Variants in SUFU observed in about 807,000 individuals in gnomAD.
SUFU encodes the protein SUFU negative regulator of hedgehog signaling.
A neutral mutation model predicts 58.9 loss-of-function variants in SUFU; 7 were observed. The ratio of observed to expected loss-of-function variants is 0.12; its 90% confidence interval spans 0.07 to 0.22. SUFU has a LOEUF of 0.22. Among genes scored for constraint, SUFU ranks in the 10% least tolerant of loss-of-function variants. The probability of loss-of-function intolerance (pLI) is 1.00; values close to 1 mark genes in which losing one functional copy is unlikely to be tolerated. For synonymous variants in SUFU, 232 were observed against 254.8 expected (o/e 0.91, Z 0.85); for missense variants, 451 against 641.3 (o/e 0.70, Z 3.20).
At chr10:102,555,585 G>C (rs1254375076) in intron 3 of SUFU, among the ~76,000 whole-genome samples, 1 of 152,216 alleles carries the variant, frequency 6.6e-6, no homozygotes, top group African/African-American at 2.4e-5. Flanking sequence ...TGCCTGTGAA[G>C]TCTTAGGCAA....
chr10:102,629,007 T>C lies in SUFU; in HGVS notation c.1366-1059T>C, dbSNP rs1372131993. ...CCCATCTCTACTAATAATACAATAA[T>C]TAGCCGGGCTTGGTGGTGCATGCCT... On this transcript the variant is annotated intron_variant, in intron 11 of 11. Coordinates refer to ENST00000369902, the MANE Select transcript of SUFU (RefSeq NM_016169.4). This position sits in a 1 kb window ranked among gnomAD's most constrained non-coding sequence, Gnocchi z 4.7. Among the ~76,000 whole-genome samples, 1 of 152,062 alleles carries C rather than the reference T, an allele frequency of 6.6e-6. No individual in the cohort carries two copies. The highest frequency in any genetic ancestry group is 1.9e-4 in the East Asian group (1 of 5,186).
rs2062284535 is a variant in SUFU, at chr10:102,503,996, G to A, written c.-157G>A. 9.1e-7 allele frequency: 1 copy of A among 1,096,618 alleles called. No homozygotes were observed. Among genetic ancestry groups the A allele is most frequent in the Admixed American group, 3.9e-5 (1 of 25,396 alleles). The allele number at this position is 1,096,618 out of a possible 1,614,324, so 67.9% of individuals were successfully genotyped here. A position where few individuals can be genotyped will look rare whatever the true frequency, so the allele number is the denominator to read the frequency against. On this transcript the variant is annotated 5_prime_UTR_variant, in exon 1 of 12. Coordinates refer to ENST00000369902, the MANE Select transcript of SUFU (RefSeq NM_016169.4). ...CAGACTCGGCGGCGGCGACAGCCTG[G>A]GCGGACAGTGCGCCGTGCGCAGGCG...
chr10:102,620,767 G>C (rs1041252457), intron 10 of SUFU, among the ~76,000 whole-genome samples: 5 of 152,142 alleles, frequency 3.3e-5, no homozygotes, highest in African/African-American at 1.2e-4. Context: ...TCTCCCTTGA[G>C]CCTGTCAACA....
At chr10:102,543,468 C>T (rs1485386417) in intron 2 of SUFU, among the ~76,000 whole-genome samples, 2 of 152,078 alleles carry the variant, frequency 1.3e-5, no homozygotes, top group African/African-American at 4.8e-5. Context: ...TTAAAATGTA[C>T]GCTTTCATGG....
intron 2 of SUFU, among the ~76,000 whole-genome samples, chr10:102,546,596 A>G (rs1423466330): frequency 3.3e-5 from 5 of 152,230 alleles, no homozygotes; most frequent in Admixed American, 6.5e-5. Flanking sequence ...AGAAGCCCTC[A>G]TGTGAGGAAG....
At chr10:102,593,224 G>C (rs565243963) in intron 4 of SUFU, among the ~76,000 whole-genome samples, 1 of 152,290 alleles carries the variant, frequency 6.6e-6, no homozygotes, top group South Asian at 2.1e-4. Context: ...ATTGGTGGTG[G>C]TTCCAAGCCT....
intron 3 of SUFU, among the ~76,000 whole-genome samples, chr10:102,586,041 C>A: frequency 6.6e-6 from 1 of 151,818 alleles, no homozygotes; most frequent in East Asian, 2.0e-4. Flanking sequence ...CATGCCACCA[C>A]ACCTGGCTAA....
rs1406131774 is a variant in SUFU at position 102,597,251 on chromosome 10, A to G, written c.868A>G (p.Ser290Gly). The G allele has an allele frequency of 1.2e-6, 2 of 1,613,918 alleles. No individual in the cohort carries two copies. The highest frequency in any genetic ancestry group is 4.5e-5 in the East Asian group (2 of 44,858). Residue 290 changes from serine (S) to glycine (G), a missense_variant, in exon 7 of 12, where the codon AGC (serine) becomes GGC (glycine). Transcript: ENST00000369902. ...CCCCGAGGATGACGAGGACAGCCGG[A>G]GCATCTGCATCGGCACACAGCCCCG... ...RPPEDDEDSR[S>G]ICIGTQPRRL... is the part of the protein sequence containing the mutation.
At chr10:102,582,223 G>A (rs1339417990) in intron 3 of SUFU, among the ~76,000 whole-genome samples, 1 of 152,204 alleles carries the variant, frequency 6.6e-6, no homozygotes, top group Non-Finnish European at 1.5e-5. Flanking sequence ...TGGGGTGTTA[G>A]TTTCCAGGCT....
In SUFU at chr10:102,619,175, C is replaced by A. The variant is rs530472349; in HGVS notation, c.1296+1747C>A. 16 of 1,608,784 alleles carry A rather than the reference C, an allele frequency of 9.9e-6. No homozygotes were observed. The highest frequency in any genetic ancestry group is 2.7e-5 in the African/African-American group (2 of 74,988). ...TCAGCAGCTCAAGAACCTTGGCCCC[C>A]ACAGGACTTCGCAGATGTCACATTG... On this transcript the variant is annotated intron_variant, in intron 10 of 11. Coordinates refer to ENST00000369902, the MANE Select transcript of SUFU (RefSeq NM_016169.4). The surrounding 1 kb of genome is among the most constrained non-coding windows in gnomAD (Gnocchi z 4.2).
rs148993057 is a variant in SUFU at position 102,591,280 on chromosome 10, C to G, written c.455-1302C>G. Among the ~76,000 whole-genome samples the G allele has an allele frequency of 6.0e-3, 918 of 152,228 alleles. 4 individuals carry two copies. Among genetic ancestry groups the G allele is most frequent in the African/African-American group, 0.019 (793 of 41,526 alleles). ...CTTTGGGAGGCCGAGGAGGGCGGAT[C>G]ACGAGGTCAGGAGATCGAGGCCATC... On this transcript the variant is annotated intron_variant, in intron 3 of 11. Coordinates refer to ENST00000369902, the MANE Select transcript of SUFU (RefSeq NM_016169.4).
At chr10:102,564,962 A>T (rs2063072807) in intron 3 of SUFU, among the ~76,000 whole-genome samples, 1 of 152,214 alleles carries the variant, frequency 6.6e-6, no homozygotes, top group Non-Finnish European at 1.5e-5. Flanking sequence ...TCCCTCAGAA[A>T]TGAGTTTGTG....
rs2063695703 is a variant in SUFU, at chr10:102,617,215, G to T, written c.1158-75G>T. 1.2e-6 allele frequency: 2 copies of T among 1,607,118 alleles called. No homozygotes were observed. Among genetic ancestry groups the T allele is most frequent in the East Asian group, 4.5e-5 (2 of 44,854 alleles). On this transcript the variant is annotated intron_variant, in intron 9 of 11. Coordinates refer to ENST00000369902, the MANE Select transcript of SUFU (RefSeq NM_016169.4). This position sits in a 1 kb window ranked among gnomAD's most constrained non-coding sequence, Gnocchi z 4.4. The stretch of plus-strand genomic sequence containing the variant: ...GGACCATAGTCCCCACTGTCCCAGA[G>T]CCTTGGCCAGGCCTGCTGTGCTTGG...
chr10:102,597,346 G>A (rs958800035), intron 7 of SUFU, 53 bp downstream of exon 7: 14 of 1,589,056 alleles, frequency 8.8e-6, no homozygotes, highest in Non-Finnish European at 1.2e-5. Context: ...TTTTCCCCAG[G>A]GCCTGGTTTC....
At chr10:102,582,926 G>T (rs946908442) in intron 3 of SUFU, among the ~76,000 whole-genome samples, 8 of 152,176 alleles carry the variant, frequency 5.3e-5, no homozygotes, top group Admixed American at 2.6e-4. Flanking sequence ...TTTTCACCCT[G>T]ACTTTTCAAT....
intron 2 of SUFU, among the ~76,000 whole-genome samples, chr10:102,534,385 C>G (rs1415245924): frequency 6.6e-6 from 1 of 152,184 alleles, no homozygotes; most frequent in East Asian, 1.9e-4. Context: ...CAAGATCGTG[C>G]CACTGCACTC....
intron 10 of SUFU, among the ~76,000 whole-genome samples, chr10:102,622,112 C>G (rs1382641570): frequency 6.6e-6 from 1 of 152,190 alleles, no homozygotes; most frequent in Non-Finnish European, 1.5e-5. Context: ...GATTCCAAGC[C>G]CCCCTCCCTG....
At chr10:102,521,029 C>CT (rs945633956) in intron 2 of SUFU, among the ~76,000 whole-genome samples, 4 of 152,186 alleles carry the variant, frequency 2.6e-5, no homozygotes, top group Non-Finnish European at 5.9e-5. Context: ...CTATGTTTAG[C>CT]TTTATGAGAA....
chr10:102,552,116 T>C (rs2062925482), intron 3 of SUFU, among the ~76,000 whole-genome samples: 1 of 152,126 alleles, frequency 6.6e-6, no homozygotes, highest in African/African-American at 2.4e-5. Flanking sequence ...AATCAAGTTA[T>C]AAGCAGACAA....
Sources: gnomAD v4.1 joint callset for allele counts (sites outside exome capture counted in the v4.1 genomes callset) on GRCh38, gnomAD v4.1.1 for gene constraint, Gnocchi (gnomAD v3.1) non-coding constraint, MANE v1.5 for transcripts, NCBI Gene and HGNC (gene_info 2026-07-23, HGNC 2026-07-21) for gene names.